Variants in TBCK observed in about 807,000 individuals in gnomAD.
The protein encoded by TBCK is TBC1 domain containing kinase.
A neutral mutation model predicts 113.4 loss-of-function variants in TBCK; 99 were observed. The observed-to-expected ratio is 0.87, with a 90% CI of 0.74 to 1.03. TBCK has a LOEUF of 1.03. Ranked by LOEUF, TBCK falls within the 50% of genes least tolerant of loss-of-function variation. The pLI, the probability that TBCK is intolerant of heterozygous loss-of-function variation, is 0.00. For missense variants in TBCK, 1,045 were observed against 1,061.3 expected (o/e 0.98, Z 0.21); for synonymous variants, 369 against 370.8 (o/e 1.00, Z 0.05).
At chr4:106,054,505 T>G (rs545515912) in intron 25 of TBCK, among the ~76,000 whole-genome samples, 2 of 151,852 alleles carry the variant, frequency 1.3e-5, no homozygotes, top group South Asian at 4.1e-4. Flanking sequence ...TAACCTTATT[T>G]GATCATTTAT....
chr4:106,201,386 G>A (rs968379458), intron 20 of TBCK, among the ~76,000 whole-genome samples: 3 of 151,806 alleles, frequency 2.0e-5, no homozygotes, highest in Non-Finnish European at 2.9e-5. Context: ...ATACCAGGTG[G>A]GTTTTGATTA....
intron 1 of TBCK, 30 bp from the exon 2 acceptor site, chr4:106,309,019 C>A: frequency 6.8e-7 from 1 of 1,465,586 alleles, no homozygotes; most frequent in Non-Finnish European, 9.2e-7. Flanking sequence ...TAGGACAGAC[C>A]AAACATTAAG....
At chr4:106,072,863 T>C (rs769493718) in intron 25 of TBCK, among the ~76,000 whole-genome samples, 4 of 152,208 alleles carry the variant, frequency 2.6e-5, no homozygotes, top group Non-Finnish European at 4.4e-5. Flanking sequence ...CAATCACTGA[T>C]ACGCTTCTTT....
intron 25 of TBCK, among the ~76,000 whole-genome samples, chr4:106,068,234 G>A (rs1031954521): frequency 1.3e-5 from 2 of 152,114 alleles, no homozygotes; most frequent in Admixed American, 6.5e-5. Context: ...CACATGACAA[G>A]TTGGTTTGCT....
At chr4:106,136,919 G>T (rs182536999) in intron 23 of TBCK, among the ~76,000 whole-genome samples, 5 of 141,374 alleles carry the variant, frequency 3.5e-5, no homozygotes, top group African/African-American at 1.0e-4. Context: ...AGCCTGTATA[G>T]GAAAATACAG....
At position 106,046,471 on chromosome 4, in the gene TBCK, T is replaced by C. The variant is rs954130842; in HGVS notation, c.*99A>G. 6.0e-6 allele frequency: 4 copies of C among 661,676 alleles called. No homozygotes were observed. Among genetic ancestry groups the C allele is most frequent in the Non-Finnish European group, 1.1e-5 (4 of 372,860 alleles). The allele number at this position is 661,676 out of a possible 1,614,324, so 41.0% of individuals were successfully genotyped here. A position where few individuals can be genotyped will look rare whatever the true frequency, so the allele number is the denominator to read the frequency against. ...GACAAACTTTACGGAAATGCAACAA[T>C]CTGGACATCTAGTTTTGTCTGAGAG... is the stretch of plus-strand genomic sequence containing the variant. On this transcript the variant is annotated 3_prime_UTR_variant, in exon 26 of 26. Coordinates refer to ENST00000394708, the MANE Select transcript of TBCK (RefSeq NM_001163435.3).
intron 25 of TBCK, among the ~76,000 whole-genome samples, chr4:106,061,658 G>A (rs1267993856): frequency 6.8e-6 from 1 of 147,982 alleles, no homozygotes; most frequent in East Asian, 1.9e-4. Flanking sequence ...GTGTGCCTGT[G>A]TTTCTGTGAG....
chr4:106,174,653 G>T (rs959891826), intron 22 of TBCK, among the ~76,000 whole-genome samples: 1 of 151,976 alleles, frequency 6.6e-6, no homozygotes, highest in Non-Finnish European at 1.5e-5. Flanking sequence ...GTGATAATTT[G>T]TTTCTTTTTA....
chr4:106,068,937 G>A (rs1271473276), intron 25 of TBCK, among the ~76,000 whole-genome samples: 1 of 152,198 alleles, frequency 6.6e-6, no homozygotes, highest in African/African-American at 2.4e-5. Flanking sequence ...CTGCATAAAT[G>A]TCTTCTTTTG....
intron 1 of TBCK, among the ~76,000 whole-genome samples, chr4:106,311,284 T>C (rs946200326): frequency 6.6e-6 from 1 of 151,476 alleles, no homozygotes; most frequent in Non-Finnish European, 1.5e-5. Context: ...GGCAGTATTA[T>C]TGCTCCTAAT....
chr4:106,075,214 T>C (rs114671571), intron 25 of TBCK, among the ~76,000 whole-genome samples: 2,629 of 152,320 alleles, frequency 0.017, 35 homozygotes, highest in Middle Eastern at 0.099. Flanking sequence ...CAAGTAAATA[T>C]GTAAAGTTCT....
At chr4:106,282,800 C>A (rs1764738872) in intron 3 of TBCK, among the ~76,000 whole-genome samples, 3 of 152,090 alleles carry the variant, frequency 2.0e-5, no homozygotes, top group African/African-American at 7.2e-5. Context: ...CAGAGGGAAT[C>A]TCTTCACAGG....
chr4:106,289,660 C>T (rs1765474263), intron 3 of TBCK, among the ~76,000 whole-genome samples: 1 of 150,872 alleles, frequency 6.6e-6, no homozygotes, highest in Non-Finnish European at 1.5e-5. Flanking sequence ...CCCAGCTGCT[C>T]AGGAGGCTGA....
chr4:106,198,171 A>T (rs2149830847), intron 20 of TBCK, among the ~76,000 whole-genome samples: 1 of 152,268 alleles, frequency 6.6e-6, no homozygotes, highest in Non-Finnish European at 1.5e-5. Context: ...GACTCTGATG[A>T]TTACTGGATA....
chr4:106,225,689 C>T (rs1353463290), intron 19 of TBCK, among the ~76,000 whole-genome samples: 5 of 152,096 alleles, frequency 3.3e-5, no homozygotes, highest in African/African-American at 1.2e-4. Context: ...GAACTCCTGA[C>T]GTCGTGATCT....
chr4:106,194,610 ATACT>A, intron 21 of TBCK, 104 bp downstream of exon 21: 1 of 838,882 alleles, frequency 1.2e-6, no homozygotes, highest in Non-Finnish European at 1.9e-6. Flanking sequence ...ACACATAAAA[ATACT>A]TACTAAATCT....
At chr4:106,107,584 A>C (rs968952178) in intron 24 of TBCK, among the ~76,000 whole-genome samples, 2 of 152,230 alleles carry the variant, frequency 1.3e-5, no homozygotes, top group African/African-American at 4.8e-5. Context: ...TTTTAAAGTA[A>C]AGAGAACAAA....
chr4:106,232,685 AC>A (rs1039600110), intron 17 of TBCK, among the ~76,000 whole-genome samples: 2 of 151,998 alleles, frequency 1.3e-5, no homozygotes, highest in Non-Finnish European at 2.9e-5. Flanking sequence ...AAAGATCACA[AC>A]AGCTCCAAAT....
intron 20 of TBCK, 147 bp downstream of exon 20, chr4:106,212,603 C>G: frequency 1.8e-6 from 1 of 562,862 alleles, no homozygotes; most frequent in Non-Finnish European, 3.2e-6. Context: ...TAGCCACAAA[C>G]TTACTAATAC....
Sources: gnomAD v4.1 joint callset for allele counts (sites outside exome capture counted in the v4.1 genomes callset) on GRCh38, gnomAD v4.1.1 for gene constraint, MANE v1.5 for transcripts, NCBI Gene and HGNC (gene_info 2026-07-23, HGNC 2026-07-21) for gene names.